DPYSL2: variants seen among roughly 807,000 people sequenced by gnomAD.
The protein encoded by DPYSL2 is dihydropyrimidinase-related protein 2.
In DPYSL2, 13 loss-of-function variants were observed where a neutral mutation model predicts 69.9. The observed-to-expected ratio is 0.19, with a 90% CI of 0.12 to 0.30. The LOEUF is 0.30. DPYSL2 is among the 10% of genes least tolerant of loss of function. The pLI is 1.00. For missense variants in DPYSL2, 587 were observed against 918.9 expected (o/e 0.64, Z 4.67); for synonymous variants, 326 against 359.1 (o/e 0.91, Z 1.04).
In DPYSL2 at chr8:26,641,272, G is replaced by A; in HGVS notation, c.1127-2167G>A. Reference sequence around the variant, plus strand: ...TATCTCCAAGTGCCTCTGCTCTCATGAACTTCTTCATGTGGACAAAAGCAG... The same window carrying A: ...TATCTCCAAGTGCCTCTGCTCTCATAAACTTCTTCATGTGGACAAAAGCAG... On this transcript the variant is annotated intron_variant, in intron 8 of 13. Transcript: ENST00000521913. This position sits in a 1 kb window ranked among gnomAD's most constrained non-coding sequence, Gnocchi z 4.1. Among the ~76,000 whole-genome samples, 1 of 152,212 alleles carries A rather than the reference G, an allele frequency of 6.6e-6. No homozygotes were observed. Among genetic ancestry groups the A allele is most frequent in the East Asian group, 1.9e-4 (1 of 5,202 alleles).
Position 26,586,161 on chromosome 8 carries a change from A to T in DPYSL2, c.628+2178A>T, listed in dbSNP as rs1801597435. Among the ~76,000 whole-genome samples, 2 of 152,132 alleles carry T rather than the reference A, an allele frequency of 1.3e-5. No individual in the cohort carries two copies. ...TGGTCAGTGTCATCTATCATTGGAGAGGGAAATGCCCCCAGCCAGGAGTTA... is the reference window on the plus strand; with the variant it reads ...TGGTCAGTGTCATCTATCATTGGAGTGGGAAATGCCCCCAGCCAGGAGTTA... On this transcript the variant is annotated intron_variant, in intron 3 of 13. Transcript: ENST00000521913. The surrounding 1 kb of genome is among the most constrained non-coding windows in gnomAD (Gnocchi z 4.7).
In DPYSL2 at chr8:26,580,307, T is replaced by C. The variant is rs996500595; in HGVS notation, c.355-1662T>C. Reference sequence around the variant, plus strand: ...CACTGATTTGAGTGACCTGGGCAAGTGGCCTAACCTCTCTGAGCCTCAGTT... The same window carrying C: ...CACTGATTTGAGTGACCTGGGCAAGCGGCCTAACCTCTCTGAGCCTCAGTT... On this transcript the variant is annotated intron_variant, in intron 1 of 13. Transcript: ENST00000521913. The surrounding 1 kb of genome is among the most constrained non-coding windows in gnomAD (Gnocchi z 4.1). 2.0e-5 allele frequency among the ~76,000 whole-genome samples: 3 copies of C among 152,202 alleles called. No homozygotes were observed. Among genetic ancestry groups the C allele is most frequent in the African/African-American group, 7.2e-5 (3 of 41,448 alleles).
intron 8 of DPYSL2, among the ~76,000 whole-genome samples, chr8:26,635,279 T>C (rs1308064404): frequency 6.6e-6 from 1 of 152,206 alleles, no homozygotes; most frequent in Admixed American, 6.5e-5. Flanking sequence ...CCTCCAAGGC[T>C]GGGAGTGATT....
chr8:26,576,001 C>T lies in DPYSL2; in HGVS notation c.355-5968C>T, dbSNP rs78376749. Among the ~76,000 whole-genome samples the T allele has an allele frequency of 7.3e-4, 111 of 152,278 alleles. No homozygotes were observed. The East Asian group carries it at 0.014, about 19-fold the overall frequency. On this transcript the variant is annotated intron_variant, in intron 1 of 13. Transcript: ENST00000521913. ...TCAGACTCGTGACTTTAACCATTAC[C>T]GGTTGACAGCAATACTTGCCGACAT...
intron 3 of DPYSL2, among the ~76,000 whole-genome samples, chr8:26,608,388 A>G (rs1325522804): frequency 6.6e-6 from 1 of 152,154 alleles, no homozygotes; most frequent in African/African-American, 2.4e-5. Context: ...GGGTTTTGGC[A>G]TTGAAGTACT....
chr8:26,577,987 C>T (rs1801396200), intron 1 of DPYSL2: 3 of 1,304,916 alleles, frequency 2.3e-6, no homozygotes, highest in Non-Finnish European at 2.9e-6. Flanking sequence ...CTGTTTCTCT[C>T]TCTCCTTCTC....
chr8:26,634,758 A>G lies in DPYSL2; in HGVS notation c.1006-22A>G, dbSNP rs779523916. On this transcript the variant is annotated intron_variant, in intron 7 of 13. Coordinates refer to ENST00000521913, the MANE Select transcript of DPYSL2 (RefSeq NM_001197293.3). ...GTGGGGTGGGCTGAGCCACATTCTC[A>G]TGCTCTGCTGCTGTTTTGCAGGTCG... The G allele has an allele frequency of 4.3e-6, 7 of 1,613,832 alleles. No individual in the cohort carries two copies. In the Admixed American group the frequency reaches 1.2e-4, roughly 27 times the overall value.
At chr8:26,603,268 G>C (rs1802034523) in intron 3 of DPYSL2, among the ~76,000 whole-genome samples, 1 of 152,246 alleles carries the variant, frequency 6.6e-6, no homozygotes, top group South Asian at 2.1e-4. Context: ...CACCTCCCGG[G>C]TTCAAGCGAT....
intron 3 of DPYSL2, among the ~76,000 whole-genome samples, chr8:26,589,642 C>A (rs904505076): frequency 2.0e-5 from 3 of 152,132 alleles, no homozygotes; most frequent in African/African-American, 7.2e-5. Flanking sequence ...TCCCTGAGTC[C>A]CTGTGGTCAG....
intron 1 of DPYSL2, among the ~76,000 whole-genome samples, chr8:26,519,181 G>A (rs563029745): frequency 9.2e-5 from 14 of 152,204 alleles, no homozygotes; most frequent in Non-Finnish European, 1.9e-4. Flanking sequence ...GACAGGCCAC[G>A]TATTCCAGGG....
chr8:26,573,576 G>C (rs1232885707), intron 1 of DPYSL2, among the ~76,000 whole-genome samples: 1 of 150,812 alleles, frequency 6.6e-6, no homozygotes. Flanking sequence ...GCTGAGGCAG[G>C]AGAATGGCAT....
chr8:26,574,101 T>C (rs1454370012), intron 1 of DPYSL2, among the ~76,000 whole-genome samples: 1 of 152,150 alleles, frequency 6.6e-6, no homozygotes, highest in Non-Finnish European at 1.5e-5. Flanking sequence ...TATAGAGTGA[T>C]GGTGTTATAG....
Position 26,643,360 on chromosome 8 carries a change from C to A in DPYSL2, c.1127-79C>A. 1 of 1,458,410 alleles carries A rather than the reference C, an allele frequency of 6.9e-7. No homozygotes were observed. The highest frequency in any genetic ancestry group is 9.2e-7 in the Non-Finnish European group (1 of 1,085,450). 90.3% of individuals were successfully genotyped at this position (1,458,410 alleles called of 1,614,324 possible). A position where few individuals can be genotyped will look rare whatever the true frequency, so the allele number is the denominator to read the frequency against. Reference sequence around the variant, plus strand: ...AGTGAGTGCACTGGGTGCTGCTGGGCAGGCAGTGGCTCCTCATAGGGGTGG... The same window carrying A: ...AGTGAGTGCACTGGGTGCTGCTGGGAAGGCAGTGGCTCCTCATAGGGGTGG... On this transcript the variant is annotated intron_variant, in intron 8 of 13. Coordinates refer to ENST00000521913, the MANE Select transcript of DPYSL2 (RefSeq NM_001197293.3). The surrounding 1 kb of genome is among the most constrained non-coding windows in gnomAD (Gnocchi z 6.5).
rs180755625 is a variant in DPYSL2, at chr8:26,638,223, C to A, written c.1126+3323C>A. ...GGGAAGGATGCTGAGTGGAAAGTCA[C>A]ATTGGGAGGTAGTCGGGGCTACAAA... On this transcript the variant is annotated intron_variant, in intron 8 of 13. Transcript: ENST00000521913. 8.5e-5 allele frequency among the ~76,000 whole-genome samples: 13 copies of A among 152,276 alleles called. No individual in the cohort carries two copies. In the South Asian group the frequency reaches 2.5e-3, roughly 29 times the overall value.
intron 1 of DPYSL2, among the ~76,000 whole-genome samples, chr8:26,523,466 T>C (rs558233353): frequency 2.0e-5 from 3 of 152,276 alleles, no homozygotes; most frequent in Admixed American, 6.5e-5. Context: ...AAGCAACAAC[T>C]CTTCATTCCC....
At chr8:26,631,365 G>GGGAAC (rs1802767667) in intron 7 of DPYSL2, among the ~76,000 whole-genome samples, 1 of 152,132 alleles carries the variant, frequency 6.6e-6, no homozygotes, top group African/African-American at 2.4e-5. Flanking sequence ...TGAGCAGAAG[G>GGGAAC]CAAACTGCCA....
At chr8:26,645,081 T>A (rs1054454042) in intron 10 of DPYSL2, among the ~76,000 whole-genome samples, 1 of 152,126 alleles carries the variant, frequency 6.6e-6, no homozygotes, top group African/African-American at 2.4e-5. Context: ...ATATGTGACA[T>A]GCGTGAGTGT....
chr8:26,567,280 C>CCCAT (rs143811544), intron 1 of DPYSL2, among the ~76,000 whole-genome samples: 2 of 149,294 alleles, frequency 1.3e-5, no homozygotes, highest in South Asian at 2.1e-4. Context: ...TATCCACCTA[C>CCCAT]CCATCCATCC....
Position 26,624,407 on chromosome 8 carries a change from T to C in DPYSL2, c.793+100T>C, listed in dbSNP as rs1802572333. On this transcript the variant is annotated intron_variant, in intron 4 of 13. Transcript: ENST00000521913. The surrounding 1 kb of genome is among the most constrained non-coding windows in gnomAD (Gnocchi z 4.7). ...AAGTGATAATGCTTCCAGATCCCAT[T>C]TGTGCCTCATGCCCATGCCTGCCCC... 1 of 1,437,492 alleles carries C rather than the reference T, an allele frequency of 7.0e-7. No individual in the cohort carries two copies. The allele number at this position is 1,437,492 out of a possible 1,614,324, so 89.0% of individuals were successfully genotyped here. A position where few individuals can be genotyped will look rare whatever the true frequency, so the allele number is the denominator to read the frequency against.
Sources: gnomAD v4.1 joint callset for allele counts (sites outside exome capture counted in the v4.1 genomes callset) on GRCh38, gnomAD v4.1.1 for gene constraint, Gnocchi (gnomAD v3.1) non-coding constraint, MANE v1.5 for transcripts, NCBI Gene and HGNC (gene_info 2026-07-23, HGNC 2026-07-21) for gene names.